Variants in YARS1 observed in about 807,000 individuals in gnomAD.
YARS1 encodes the protein tyrosine--tRNA ligase, cytoplasmic.
YARS1 carries 36 observed loss-of-function variants against 62.2 expected under a neutral mutation model. The observed-to-expected ratio is 0.58, with a 90% CI of 0.44 to 0.76. YARS1 has a LOEUF of 0.76. YARS1 is among the 30% of genes least tolerant of loss of function. YARS1 has a pLI of 0.00. For synonymous variants in YARS1, 234 were observed against 244.9 expected (o/e 0.96, Z 0.42); for missense variants, 524 against 639.8 (o/e 0.82, Z 1.95).
intron 4 of YARS1, among the ~76,000 whole-genome samples, chr1:32,802,035 C>A (rs1638314706): frequency 6.7e-6 from 1 of 149,658 alleles, no homozygotes; most frequent in African/African-American, 2.5e-5. Flanking sequence ...GCAAGCTCCG[C>A]CTCCCGGGTT....
At chr1:32,791,064 T>C in intron 6 of YARS1, 98 bp downstream of exon 6, 1 of 1,140,620 alleles carries the variant, frequency 8.8e-7, no homozygotes, top group South Asian at 1.2e-5. Flanking sequence ...ACTCAAATAT[T>C]GGAGAATTCT....
At chr1:32,815,396 T>C (rs1638686534) in intron 1 of YARS1, among the ~76,000 whole-genome samples, 1 of 152,142 alleles carries the variant, frequency 6.6e-6, no homozygotes, top group Non-Finnish European at 1.5e-5. Flanking sequence ...TCAATTCTAA[T>C]AGTTTTGTGT....
intron 8 of YARS1, among the ~76,000 whole-genome samples, chr1:32,786,023 C>T (rs536350353): frequency 1.8e-4 from 27 of 151,912 alleles, no homozygotes; most frequent in Admixed American, 1.6e-3. Context: ...CCTAAAGGGA[C>T]CACTCGTGTG....
intron 2 of YARS1, 59 bp from the exon 3 acceptor site, chr1:32,810,825 C>A: frequency 6.2e-7 from 1 of 1,614,024 alleles, no homozygotes; most frequent in Non-Finnish European, 8.5e-7. Context: ...TCCAACCTGT[C>A]TCCTCCAGCC....
At chr1:32,796,071 G>A (rs1653571151) in intron 5 of YARS1, among the ~76,000 whole-genome samples, 1 of 151,958 alleles carries the variant, frequency 6.6e-6, no homozygotes, top group Non-Finnish European at 1.5e-5. Context: ...GAGATGGGTG[G>A]ATCATGAGGT....
chr1:32,797,712 C>T (rs771213239), intron 5 of YARS1, 51 bp downstream of exon 5: 4 of 1,470,396 alleles, frequency 2.7e-6, no homozygotes, highest in South Asian at 1.1e-5. Context: ...ATAAACACAG[C>T]TGCATACCTC....
chr1:32,804,609 C>T (rs1638402963), intron 4 of YARS1, among the ~76,000 whole-genome samples: 1 of 151,406 alleles, frequency 6.6e-6, no homozygotes, highest in South Asian at 2.1e-4. Context: ...CGCGGCCGGA[C>T]AGAGGCGCTC....
At chr1:32,809,882 G>T (rs1638544588) in intron 3 of YARS1, among the ~76,000 whole-genome samples, 1 of 152,134 alleles carries the variant, frequency 6.6e-6, no homozygotes, top group Non-Finnish European at 1.5e-5. Context: ...GAGGTGGGCG[G>T]ATCACCTGAG....
intron 5 of YARS1, 57 bp downstream of exon 5, chr1:32,797,706 A>G: frequency 1.4e-6 from 2 of 1,446,440 alleles, no homozygotes; most frequent in Non-Finnish European, 1.9e-6. Flanking sequence ...AGTTCAATAA[A>G]CACAGCTGCA....
In YARS1 at chr1:32,810,935, T is replaced by C. The variant is rs748057250; in HGVS notation, c.180A>G (p.Ala60=). The change falls in exon 2 of 13, where the codon GCA becomes GCG. Residue 60 remains alanine (A), a synonymous_variant. Coordinates refer to ENST00000373477, the MANE Select transcript of YARS1 (RefSeq NM_003680.4). ...VAYFVPMSKI[A]DFLKAGCEVT... is the part of the protein sequence containing the mutation. ...CCTCACACCCTGCCTTTAAGAAGTC[T>C]GCAATCTTTGACATGGGCACAAAGT... 1.2e-6 allele frequency: 2 copies of C among 1,614,210 alleles called. No individual in the cohort carries two copies. The highest frequency in any genetic ancestry group is 3.3e-5 in the Admixed American group (2 of 60,024).
At chr1:32,805,012 C>T (rs917760316) in intron 4 of YARS1, among the ~76,000 whole-genome samples, 15 of 152,188 alleles carry the variant, frequency 9.9e-5, no homozygotes, top group Non-Finnish European at 2.2e-4. Context: ...GGGTAGATCA[C>T]TCGCGGTCAG....
chr1:32,794,977 C>T (rs1384662038), intron 5 of YARS1, among the ~76,000 whole-genome samples: 1 of 123,422 alleles, frequency 8.1e-6, no homozygotes, highest in East Asian at 2.3e-4. Flanking sequence ...GCACTCCAGC[C>T]TGGTGACAGA....
chr1:32,780,121 CCT>C lies in YARS1; in HGVS notation c.1296_1297del (p.Gly433SerfsTer20). ...CAGAAGCATGCCTTGGGACTCGACTCCTCTCATCTTCTGGGGTTTCAGGTTGC... is the reference window on the plus strand; with the variant it reads ...CAGAAGCATGCCTTGGGACTCGACTCCTCATCTTCTGGGGTTTCAGGTTGC... On this transcript the variant is annotated frameshift_variant, in exon 11 of 13. Transcript: ENST00000373477. LOFTEE classifies it high-confidence loss of function. 1.2e-6 allele frequency: 2 copies of C among 1,614,148 alleles called. No individual in the cohort carries two copies. The highest frequency in any genetic ancestry group is 1.7e-6 in the Non-Finnish European group (2 of 1,180,038).
At chr1:32,793,184 G>C (rs932505053) in intron 5 of YARS1, among the ~76,000 whole-genome samples, 1 of 152,140 alleles carries the variant, frequency 6.6e-6, no homozygotes, top group Admixed American at 6.6e-5. Flanking sequence ...CAGAATATGA[G>C]ACATGAGTTT....
intron 12 of YARS1, among the ~76,000 whole-genome samples, chr1:32,778,702 C>T (rs892262131): frequency 6.8e-5 from 10 of 147,008 alleles, no homozygotes; most frequent in African/African-American, 1.8e-4. Context: ...CCACCACGCC[C>T]GGCCAATCCT....
chr1:32,797,586 A>G, intron 5 of YARS1, 177 bp downstream of exon 5: 2 of 648,874 alleles, frequency 3.1e-6, no homozygotes, highest in Non-Finnish European at 5.5e-6. Flanking sequence ...CTGCTCAGTT[A>G]CTAACTGTGT....
chr1:32,802,808 T>C (rs764316309), intron 4 of YARS1, among the ~76,000 whole-genome samples: 3 of 151,958 alleles, frequency 2.0e-5, no homozygotes, highest in African/African-American at 2.4e-5. Context: ...TCAGGCAGAG[T>C]AGACTTAGCA....
intron 5 of YARS1, among the ~76,000 whole-genome samples, chr1:32,796,371 G>T (rs773504259): frequency 1.1e-4 from 16 of 147,054 alleles, no homozygotes; most frequent in Non-Finnish European, 2.1e-4. Context: ...TTTCTTTTTT[G>T]TTTTTTTTTT....
In YARS1 at chr1:32,797,751, G is replaced by A; in HGVS notation, c.591+12C>T. 3 of 1,613,056 alleles carry A rather than the reference G, an allele frequency of 1.9e-6. No individual in the cohort carries two copies. Among genetic ancestry groups the A allele is most frequent in the Non-Finnish European group, 2.5e-6 (3 of 1,179,050 alleles). On this transcript the variant is annotated intron_variant, in intron 5 of 12. Coordinates refer to ENST00000373477, the MANE Select transcript of YARS1 (RefSeq NM_003680.4). The stretch of plus-strand genomic sequence containing the variant: ...GGTGCAAGTGAAAAAAGACAGGAAA[G>A]CAGACACTCACCTTCTCTGCAAAGG...
Sources: allele counts gnomAD v4.1 joint callset (sites outside exome capture counted in the v4.1 genomes callset), GRCh38; gene constraint gnomAD v4.1.1; transcripts MANE v1.5; gene names NCBI Gene and HGNC (gene_info 2026-07-23, HGNC 2026-07-21).